PTPRD: variants seen among roughly 807,000 people sequenced by gnomAD.
The protein encoded by PTPRD is receptor-type tyrosine-protein phosphatase delta.
Under a neutral mutation model 214.5 loss-of-function variants are expected in PTPRD, and 34 were observed. The observed-to-expected ratio is 0.16, with a 90% CI of 0.12 to 0.21. The LOEUF is 0.21. PTPRD is among the 10% of genes least tolerant of loss of function. The probability of loss-of-function intolerance (pLI) is 1.00; values close to 1 mark genes in which losing one functional copy is unlikely to be tolerated. For missense variants in PTPRD, 2,545 were observed against 2,398.7 expected (o/e 1.06, Z -1.27); for synonymous variants, 1,128 against 845.7 (o/e 1.33, Z -5.79).
chr9:10,480,398 G>A (rs1212397807), intron 2 of PTPRD, among the ~76,000 whole-genome samples: 1 of 152,110 alleles, frequency 6.6e-6, no homozygotes. Context: ...GTATTACAAG[G>A]GGAAGAAAGT....
chr9:9,815,543 C>T (rs1332131629), intron 5 of PTPRD, among the ~76,000 whole-genome samples: 1 of 152,022 alleles, frequency 6.6e-6, no homozygotes, highest in Non-Finnish European at 1.5e-5. Context: ...ATCTTCTACA[C>T]AGCAAAGGAA....
At chr9:8,524,345 C>T (rs72694782) in intron 18 of PTPRD, among the ~76,000 whole-genome samples, 77 of 152,178 alleles carry the variant, frequency 5.1e-4, no homozygotes, top group Admixed American at 1.2e-3. Context: ...TACATATGTG[C>T]ACATATATGA....
chr9:10,394,181 T>C (rs1407272748), intron 2 of PTPRD, among the ~76,000 whole-genome samples: 3 of 139,866 alleles, frequency 2.1e-5, no homozygotes, highest in African/African-American at 7.5e-5. Context: ...TATATATCTA[T>C]ATATAAAGAT....
At chr9:10,583,848 G>A (rs901543757) in intron 2 of PTPRD, among the ~76,000 whole-genome samples, 1 of 152,122 alleles carries the variant, frequency 6.6e-6, no homozygotes, top group African/African-American at 2.4e-5. Flanking sequence ...TTATTTCGAA[G>A]GGCAGCTGTC....
chr9:10,023,528 A>C (rs577626929), intron 4 of PTPRD, among the ~76,000 whole-genome samples: 1 of 152,234 alleles, frequency 6.6e-6, no homozygotes, highest in East Asian at 1.9e-4. Flanking sequence ...CAAATATTTC[A>C]CAAATCTTTA....
intron 10 of PTPRD, among the ~76,000 whole-genome samples, chr9:9,059,416 CAGGTTAAGGATAT>C (rs2099703141): frequency 6.6e-6 from 1 of 151,998 alleles, no homozygotes; most frequent in South Asian, 2.1e-4. Flanking sequence ...GAGGCCAGTT[CAGGTTAAGGATAT>C]AGACAAAGAA....
chr9:8,875,245 G>A (rs530185488), intron 11 of PTPRD, among the ~76,000 whole-genome samples: 34 of 152,276 alleles, frequency 2.2e-4, no homozygotes, highest in Non-Finnish European at 4.3e-4. Flanking sequence ...GAAGTTCTAG[G>A]ACAGGCGTGG....
intron 12 of PTPRD, among the ~76,000 whole-genome samples, chr9:8,663,796 T>C (rs1462638217): frequency 6.6e-6 from 1 of 151,846 alleles, no homozygotes. Flanking sequence ...CAGCCTTTAA[T>C]AGTATATTTG....
chr9:9,457,159 G>A (rs1588954854), intron 8 of PTPRD, among the ~76,000 whole-genome samples: 1 of 151,986 alleles, frequency 6.6e-6, no homozygotes, highest in East Asian at 1.9e-4. Flanking sequence ...AGACAAAAGA[G>A]GAAACAGTAC....
At chr9:9,908,194 A>T (rs2078148947) in intron 5 of PTPRD, among the ~76,000 whole-genome samples, 1 of 152,038 alleles carries the variant, frequency 6.6e-6, no homozygotes, top group Non-Finnish European at 1.5e-5. Flanking sequence ...ATTCTGGAAT[A>T]AAAATTAAAT....
At position 9,809,668 on chromosome 9, in the gene PTPRD, G is replaced by T. The variant is rs553939329; in HGVS notation, c.-367-42817C>A. ...GGGTAATGGAATTAGGAGTGAGAAT[G>T]TAACATCAGTTGAATTTTTCAAATA... On this transcript the variant is annotated intron_variant, in intron 5 of 45. Coordinates refer to ENST00000381196, the MANE Select transcript of PTPRD (RefSeq NM_002839.4). Among the ~76,000 whole-genome samples the T allele has an allele frequency of 2.6e-5, 4 of 152,276 alleles. No homozygotes were observed. In the South Asian group the frequency reaches 8.3e-4, roughly 32 times the overall value.
intron 7 of PTPRD, among the ~76,000 whole-genome samples, chr9:9,729,706 T>C (rs959148546): frequency 6.6e-6 from 1 of 152,082 alleles, no homozygotes; most frequent in African/African-American, 2.4e-5. Context: ...TGGGGTCATG[T>C]CATATCCTTT....
intron 8 of PTPRD, among the ~76,000 whole-genome samples, chr9:9,561,342 A>G (rs1307042823): frequency 6.6e-6 from 1 of 152,194 alleles, no homozygotes; most frequent in Non-Finnish European, 1.5e-5. Flanking sequence ...CCTAAAATGT[A>G]TAAAAAATCA....
intron 9 of PTPRD, among the ~76,000 whole-genome samples, chr9:9,198,460 G>A (rs548796742): frequency 6.6e-6 from 1 of 151,918 alleles, no homozygotes; most frequent in African/African-American, 2.4e-5. Context: ...TAGAATTCAA[G>A]CAACTTTTAG....
chr9:8,564,572 C>T (rs576036285), intron 14 of PTPRD, among the ~76,000 whole-genome samples: 8 of 151,976 alleles, frequency 5.3e-5, no homozygotes, highest in Non-Finnish European at 1.2e-4. Flanking sequence ...TGTGGTAGTG[C>T]GTGCCTGTAA....
intron 9 of PTPRD, among the ~76,000 whole-genome samples, chr9:9,243,742 C>T (rs1259547737): frequency 2.0e-5 from 3 of 152,120 alleles, no homozygotes; most frequent in Non-Finnish European, 2.9e-5. Flanking sequence ...GACAGGGATG[C>T]CCTCTCTCAC....
chr9:9,806,066 A>T (rs2099071091), intron 5 of PTPRD, among the ~76,000 whole-genome samples: 1 of 152,302 alleles, frequency 6.6e-6, no homozygotes, highest in East Asian at 1.9e-4. Flanking sequence ...AGAAAATAGT[A>T]ACAGGAGATG....
intron 11 of PTPRD, among the ~76,000 whole-genome samples, chr9:8,777,931 G>T (rs553253293): frequency 6.2e-4 from 95 of 152,154 alleles, no homozygotes; most frequent in African/African-American, 2.1e-3. Flanking sequence ...AGAAATTTTG[G>T]GCTCCATCCT....
chr9:8,553,358 G>A (rs1017191636), intron 14 of PTPRD, among the ~76,000 whole-genome samples: 2 of 152,170 alleles, frequency 1.3e-5, no homozygotes, highest in African/African-American at 2.4e-5. Context: ...GCTTGAAAGA[G>A]CTCAAACAGT....
Sources: allele counts gnomAD v4.1 joint callset (sites outside exome capture counted in the v4.1 genomes callset), GRCh38; gene constraint gnomAD v4.1.1; transcripts MANE v1.5; gene names NCBI Gene and HGNC (gene_info 2026-07-23, HGNC 2026-07-21).